SRRM3: variants seen among roughly 807,000 people sequenced by gnomAD.
The protein encoded by SRRM3 is serine/arginine repetitive matrix protein 3.
SRRM3 carries 27 observed loss-of-function variants against 66.2 expected under a neutral mutation model. The observed-to-expected ratio is 0.41, with a 90% CI of 0.30 to 0.56. SRRM3 has a LOEUF of 0.56. Ranked by LOEUF, SRRM3 falls within the 20% of genes least tolerant of loss-of-function variation. The pLI is 0.32. For missense variants in SRRM3, 918 were observed against 991.9 expected (o/e 0.93, Z 1.00); for synonymous variants, 391 against 414.9 (o/e 0.94, Z 0.70).
intron 1 of SRRM3, among the ~76,000 whole-genome samples, chr7:76,218,674 CTTTTTTTTTTTTTT>C (rs11349335): frequency 3.9e-5 from 3 of 76,278 alleles, no homozygotes; most frequent in Non-Finnish European, 6.8e-5. Context: ...GCTTTCTTTT[CTTTTTTTTTTTTTT>C]TTTTTTTTTT....
At chr7:76,205,870 C>A (rs1554601091) in intron 1 of SRRM3, among the ~76,000 whole-genome samples, 3 of 152,218 alleles carry the variant, frequency 2.0e-5, no homozygotes, top group African/African-American at 7.2e-5. Context: ...TAAATCAAAG[C>A]TTGAAACACT....
intron 14 of SRRM3, among the ~76,000 whole-genome samples, chr7:76,284,301 A>T (rs1802604371): frequency 6.6e-6 from 1 of 151,572 alleles, no homozygotes; most frequent in African/African-American, 2.4e-5. Context: ...CAGCCTCCCA[A>T]GTAGCTGGCA....
chr7:76,262,725 A>C (rs1407610544), intron 8 of SRRM3, among the ~76,000 whole-genome samples: 1 of 152,050 alleles, frequency 6.6e-6, no homozygotes, highest in Non-Finnish European at 1.5e-5. Flanking sequence ...CTGAGGTAGG[A>C]GAATCGCTTG....
chr7:76,202,510 G>A (rs568409271), intron 1 of SRRM3, among the ~76,000 whole-genome samples: 1 of 152,254 alleles, frequency 6.6e-6, no homozygotes, highest in Admixed American at 6.5e-5. Context: ...CCGGCCCAGG[G>A]GACAGCCTGG....
intron 11 of SRRM3, among the ~76,000 whole-genome samples, chr7:76,272,095 T>C (rs974857680): frequency 6.6e-6 from 1 of 152,184 alleles, no homozygotes; most frequent in Admixed American, 6.5e-5. Context: ...TGTCCAGTCT[T>C]ACCTGGTGCC....
Position 76,285,811 on chromosome 7 carries a change from A to C in SRRM3, c.1930A>C (p.Ser644Arg), listed in dbSNP as rs1335913440. Reference protein sequence around the residue: ...PSRTPSPSYHSRSSSESGGF With the variant: ...PSRTPSPSYHRRSSSESGGF ...GAGGACCCCCAGTCCCAGCTACCAC[A>C]GCCGGAGCAGCTCTGAGAGCGGGGG... The change falls in exon 15 of 15, where the codon AGC becomes CGC. Residue 644 changes from serine (S) to arginine (R), a missense_variant. Physicochemically the swap from Ser to Arg is moderately radical, Grantham distance 110. Coordinates refer to ENST00000611745, the MANE Select transcript of SRRM3 (RefSeq NM_001110199.3). This position sits in a 1 kb window ranked among gnomAD's most constrained non-coding sequence, Gnocchi z 4.1. 1.9e-6 allele frequency: 3 copies of C among 1,550,690 alleles called. No individual in the cohort carries two copies. In the East Asian group the frequency reaches 7.3e-5, roughly 38 times the overall value.
chr7:76,221,700 G>T (rs572931952), intron 1 of SRRM3, among the ~76,000 whole-genome samples: 1 of 152,256 alleles, frequency 6.6e-6, no homozygotes, highest in South Asian at 2.1e-4. Flanking sequence ...GTCTCTACTG[G>T]TCTGTGTGGG....
chr7:76,235,367 T>G, intron 2 of SRRM3, 68 bp downstream of exon 2: 1 of 1,313,868 alleles, frequency 7.6e-7, no homozygotes, highest in Non-Finnish European at 1.0e-6. Flanking sequence ...AAGCGAGTGA[T>G]GCTGCACGTG....
At chr7:76,238,985 T>C (rs1322858063) in intron 2 of SRRM3, among the ~76,000 whole-genome samples, 1 of 151,958 alleles carries the variant, frequency 6.6e-6, no homozygotes, top group Non-Finnish European at 1.5e-5. Context: ...TTGTAAGGAC[T>C]TGGGTGAGGC....
chr7:76,264,790 A>G lies in SRRM3; in HGVS notation c.700A>G (p.Lys234Glu), dbSNP rs782537093. 8.1e-6 allele frequency: 13 copies of G among 1,613,638 alleles called. No individual in the cohort carries two copies. The South Asian group carries it at 1.4e-4, about 18-fold the overall frequency. ...ATCTCGAAGCTCCAAGTGCAAAAGA[A>G]AAGAGAAGAACAAAGAGAAGAAGAG... The part of the protein sequence containing the change: ...HRSRSSKCKR[K>E]EKNKEKKRPH... The change falls in exon 9 of 15, where the codon AAA becomes GAA. Residue 234 changes from lysine to glutamate, a missense_variant. Coordinates refer to ENST00000611745, the MANE Select transcript of SRRM3 (RefSeq NM_001110199.3).
chr7:76,202,301 TC>T (rs1466812701), intron 1 of SRRM3, among the ~76,000 whole-genome samples: 17 of 152,072 alleles, frequency 1.1e-4, no homozygotes, highest in African/African-American at 4.1e-4. Context: ...TGGGCAGGAC[TC>T]CCCTGGGCAT....
chr7:76,236,005 CAAAAAAA>C lies in SRRM3; in HGVS notation c.233+725_233+731del, dbSNP rs1161706465. ...TGGGCAACAGATCGAGATTCTGTCT[CAAAAAAA>C]AAAAAAAAAAAAAAAAAAGGCCGGG... On this transcript the variant is annotated intron_variant, in intron 2 of 14. Transcript: ENST00000611745. Among the ~76,000 whole-genome samples, 11 of 20,274 alleles carry C rather than the reference CAAAAAAA, an allele frequency of 5.4e-4. No individual in the cohort carries two copies. In the East Asian group the frequency reaches 0.016, roughly 29 times the overall value. 13.3% of individuals were successfully genotyped at this position (20,274 alleles called of 152,430 possible).
In SRRM3 at chr7:76,201,961, C is replaced by T. The variant is rs976276070; in HGVS notation, c.-146C>T. On this transcript the variant is annotated 5_prime_UTR_variant, in exon 1 of 15. Coordinates refer to ENST00000611745, the MANE Select transcript of SRRM3 (RefSeq NM_001110199.3). ...GCAGAGGGTGCGGGGCCGTGGGGGC[C>T]GCGGAGCTGCCCTGCCCAACTCAGC... is the stretch of plus-strand genomic sequence containing the variant. The T allele has an allele frequency of 2.6e-5, 4 of 152,386 alleles. No individual in the cohort carries two copies. The highest frequency in any genetic ancestry group is 9.6e-5 in the African/African-American group (4 of 41,464). 9.4% of individuals were successfully genotyped at this position (152,386 alleles called of 1,614,324 possible). A position where few individuals can be genotyped will look rare whatever the true frequency, so the allele number is the denominator to read the frequency against.
At chr7:76,283,791 G>C in intron 14 of SRRM3, 1 of 985,434 alleles carries the variant, frequency 1.0e-6, no homozygotes, top group Non-Finnish European at 1.2e-6. Flanking sequence ...GCCATTATCA[G>C]TTTCTCTGCT....
chr7:76,243,257 A>G (rs1254577303), intron 2 of SRRM3, among the ~76,000 whole-genome samples: 2 of 152,184 alleles, frequency 1.3e-5, no homozygotes, highest in Admixed American at 1.3e-4. Flanking sequence ...ATTCAAAAGC[A>G]GGACTGTTGG....
intron 14 of SRRM3, chr7:76,283,404 T>G: frequency 1.9e-6 from 1 of 534,286 alleles, no homozygotes; most frequent in East Asian, 3.7e-5. Context: ...TGGGTCTGGG[T>G]GGGCCGCAGC....
At chr7:76,218,270 G>GGC (rs1311537039) in intron 1 of SRRM3, among the ~76,000 whole-genome samples, 9 of 152,312 alleles carry the variant, frequency 5.9e-5, no homozygotes, top group African/African-American at 2.2e-4. Flanking sequence ...ACACACAGGT[G>GGC]GCTCTCCCTC....
Position 76,282,983 on chromosome 7 carries a change from C to A in SRRM3, c.1615C>A (p.Arg539Ser). The A allele has an allele frequency of 7.1e-7, 1 of 1,416,768 alleles. No homozygotes were observed. The allele number at this position is 1,416,768 out of a possible 1,614,324, so 87.8% of individuals were successfully genotyped here. A position where few individuals can be genotyped will look rare whatever the true frequency, so the allele number is the denominator to read the frequency against. Reference protein sequence around the residue: ...PLSRDKDGEGRARHSEAEATR... With the variant: ...PLSRDKDGEGSARHSEAEATR... ...CCGCAGGGACAAGGACGGCGAGGGC[C>A]GCGCAAGGCACTCTGAGGCCGAGGC... Residue 539 changes from arginine to serine, a missense_variant, in exon 14 of 15, where the codon CGC becomes AGC. By Grantham distance (110) the Arg-to-Ser change is moderately radical (BLOSUM62 -1). Transcript: ENST00000611745.
chr7:76,240,179 CAAT>C (rs781843298), intron 2 of SRRM3, among the ~76,000 whole-genome samples: 20 of 148,844 alleles, frequency 1.3e-4, no homozygotes, highest in African/African-American at 4.4e-4. Context: ...ATAATAATAA[CAAT>C]AATAATAATA....
Sources: allele counts gnomAD v4.1 joint callset (sites outside exome capture counted in the v4.1 genomes callset), GRCh38; gene constraint gnomAD v4.1.1; non-coding constraint Gnocchi (gnomAD v3.1); transcripts MANE v1.5; gene names NCBI Gene and HGNC (gene_info 2026-07-23, HGNC 2026-07-21).